Variants in CAST observed in about 807,000 individuals in gnomAD.
The protein encoded by CAST is MIR583 host.
CAST carries 76 observed loss-of-function variants against 119.6 expected under a neutral mutation model. That is an observed-to-expected ratio of 0.64 (90% CI 0.53 to 0.77). The LOEUF is 0.77. CAST is among the 30% of genes least tolerant of loss of function. CAST has a pLI of 0.00. For synonymous variants in CAST, 319 were observed against 331.6 expected, an observed-to-expected ratio of 0.96 and a Z score of 0.41; for missense variants, 953 against 946.5, an observed-to-expected ratio of 1.01 and a Z score of -0.09.
chr5:96,501,746 G>C, the CAST span, among the ~76,000 whole-genome samples: 1 of 152,288 alleles, frequency 6.6e-6, no homozygotes, highest in East Asian at 1.9e-4. Flanking sequence ...ACTTCTTTTG[G>C]TATAGTCATG....
At chr5:96,313,630 T>G in the CAST span, among the ~76,000 whole-genome samples, 1 of 152,210 alleles carries the variant, frequency 6.6e-6, no homozygotes. Flanking sequence ...TGCAGGTTTT[T>G]ATGTGGACAT....
At chr5:96,360,725 C>T in the CAST span, among the ~76,000 whole-genome samples, 44,956 of 151,992 alleles carry the variant, frequency 0.3, 6,731 homozygotes, top group African/African-American at 0.33. Context: ...GAGGGGCAAC[C>T]GCAAGATGCC....
At chr5:96,257,551 T>C in the CAST span, among the ~76,000 whole-genome samples, 8 of 152,284 alleles carry the variant, frequency 5.3e-5, no homozygotes, top group East Asian at 1.5e-3. Context: ...TTTAAAAGGA[T>C]TGTTTGGTAT....
chr5:96,371,983 CTTGA>C, the CAST span, among the ~76,000 whole-genome samples: 3 of 152,126 alleles, frequency 2.0e-5, no homozygotes, highest in East Asian at 5.8e-4. Flanking sequence ...ATAATTTGCC[CTTGA>C]TTAACTTTGT....
chr5:96,263,971 C>T, the CAST span, among the ~76,000 whole-genome samples: 1 of 152,196 alleles, frequency 6.6e-6, no homozygotes, highest in Non-Finnish European at 1.5e-5. Context: ...CAATCACTTC[C>T]CATGAGGTCC....
the CAST span, among the ~76,000 whole-genome samples, chr5:96,129,428 G>A: frequency 1.2e-3 from 188 of 152,218 alleles, no homozygotes; most frequent in Middle Eastern, 6.8e-3. Context: ...TGTCCTGGAA[G>A]TCTGTCACAG....
intron 2 of CAST, among the ~76,000 whole-genome samples, chr5:96,678,573 G>A (rs1457537686): frequency 1.3e-5 from 2 of 152,098 alleles, no homozygotes; most frequent in African/African-American, 2.4e-5. Flanking sequence ...GGCCGGGTGC[G>A]GTGGCTCATG....
intron 2 of CAST, among the ~76,000 whole-genome samples, chr5:96,677,311 A>G (rs1006742086): frequency 6.6e-6 from 1 of 152,236 alleles, no homozygotes; most frequent in African/African-American, 2.4e-5. Flanking sequence ...TGCAAAGCCA[A>G]TACTAATATG....
chr5:96,316,705 A>G, the CAST span, among the ~76,000 whole-genome samples: 11 of 152,200 alleles, frequency 7.2e-5, no homozygotes, highest in Admixed American at 7.2e-4. Flanking sequence ...CAGGAATCCC[A>G]AAGGATAATG....
At chr5:96,378,171 G>A in the CAST span, among the ~76,000 whole-genome samples, 1 of 152,148 alleles carries the variant, frequency 6.6e-6, no homozygotes, top group Non-Finnish European at 1.5e-5. Flanking sequence ...GGGAAAGTGG[G>A]AAGGAGAAAT....
chr5:96,682,531 C>A (rs931242598), intron 2 of CAST, among the ~76,000 whole-genome samples: 8 of 151,918 alleles, frequency 5.3e-5, no homozygotes, highest in African/African-American at 1.9e-4. Flanking sequence ...TATTCTGTAT[C>A]ATTTTATGAG....
the CAST span, among the ~76,000 whole-genome samples, chr5:96,245,326 A>G: frequency 2.5e-4 from 38 of 152,222 alleles, no homozygotes; most frequent in Non-Finnish European, 3.7e-4. Flanking sequence ...CTAGCCTCCA[A>G]GGAGCTAGAA....
chr5:96,604,999 G>C (rs1747226105), intron 1 of CAST, among the ~76,000 whole-genome samples: 1 of 152,174 alleles, frequency 6.6e-6, no homozygotes, highest in African/African-American at 2.4e-5. Flanking sequence ...GGTTTTAAGA[G>C]ACCCGGGACA....
chr5:96,154,396 C>T, the CAST span, among the ~76,000 whole-genome samples: 1 of 151,904 alleles, frequency 6.6e-6, no homozygotes, highest in Non-Finnish European at 1.5e-5. Context: ...AATTTTAGAA[C>T]TGTTTTACAT....
At chr5:96,249,218 T>A in the CAST span, among the ~76,000 whole-genome samples, 3 of 152,242 alleles carry the variant, frequency 2.0e-5, no homozygotes, top group Admixed American at 1.3e-4. Flanking sequence ...TCATTATTTT[T>A]AATTTGATTT....
At chr5:96,664,730 A>G (rs1174524300) in intron 1 of CAST, among the ~76,000 whole-genome samples, 1 of 152,248 alleles carries the variant, frequency 6.6e-6, no homozygotes, top group Non-Finnish European at 1.5e-5. Flanking sequence ...AATGTCATAC[A>G]CATATACTTT....
intron 1 of CAST, among the ~76,000 whole-genome samples, chr5:96,585,954 T>C (rs1746852877): frequency 6.6e-6 from 1 of 152,218 alleles, no homozygotes; most frequent in South Asian, 2.1e-4. Flanking sequence ...AAAACGATTG[T>C]AATATCTTTC....
At chr5:96,573,497 A>C (rs1382744155) in intron 1 of CAST, among the ~76,000 whole-genome samples, 1 of 152,066 alleles carries the variant, frequency 6.6e-6, no homozygotes, top group East Asian at 1.9e-4. Context: ...ATGATTAGCT[A>C]GTGTGATCGT....
chr5:96,330,374 G>C, the CAST span, among the ~76,000 whole-genome samples: 1 of 152,150 alleles, frequency 6.6e-6, no homozygotes, highest in African/African-American at 2.4e-5. Flanking sequence ...AAGGGAGAAG[G>C]TTCAGTGCCC....
Sources: gnomAD v4.1 joint callset for allele counts (sites outside exome capture counted in the v4.1 genomes callset) on GRCh38, gnomAD v4.1.1 for gene constraint, MANE v1.5 for transcripts, NCBI Gene and HGNC (gene_info 2026-07-23, HGNC 2026-07-21) for gene names.